The following ASCC3 variants were observed in gnomAD, a reference collection of about 807,000 sequenced individuals.
The protein encoded by ASCC3 is activating signal cointegrator 1 complex subunit 3.
A neutral mutation model predicts 256.3 loss-of-function variants in ASCC3; 158 were observed. That is an observed-to-expected ratio of 0.62 (90% confidence interval 0.54 to 0.70). The LOEUF is 0.70. ASCC3 is among the 30% of genes least tolerant of loss of function. ASCC3 has a pLI of 0.00. For missense variants in ASCC3, 2,259 were observed against 2,626.0 expected, an observed-to-expected ratio of 0.86 and a Z score of 3.05; for synonymous variants, 948 against 883.4, an observed-to-expected ratio of 1.07 and a Z score of -1.30.
chr6:100,628,041 T>C (rs747724289), intron 27 of ASCC3, 54 bp from the exon 28 acceptor site: 76 of 1,577,966 alleles, frequency 4.8e-5, no homozygotes, highest in African/African-American at 2.8e-4. Context: ...GTGTTGGTCA[T>C]TGCAGCAACC....
At chr6:100,648,096 G>A (rs1333356626) in intron 20 of ASCC3, among the ~76,000 whole-genome samples, 1 of 152,002 alleles carries the variant, frequency 6.6e-6, no homozygotes, top group Non-Finnish European at 1.5e-5. Flanking sequence ...ATTTGACCAA[G>A]GTCACACTGC....
At chr6:100,847,510 G>A (rs181786921) in intron 4 of ASCC3, among the ~76,000 whole-genome samples, 4 of 152,158 alleles carry the variant, frequency 2.6e-5, no homozygotes, top group Admixed American at 2.0e-4. Context: ...GAAAAATACA[G>A]CTAGTATTTT....
At chr6:100,541,754 A>G (rs905309283) in intron 36 of ASCC3, among the ~76,000 whole-genome samples, 1 of 152,252 alleles carries the variant, frequency 6.6e-6, no homozygotes, top group Non-Finnish European at 1.5e-5. Flanking sequence ...AAGAGGATCT[A>G]TAACAAGGAG....
chr6:100,516,152 C>T lies in ASCC3; in HGVS notation c.6075+28G>A, dbSNP rs1390748628. On this transcript the variant is annotated intron_variant, in intron 39 of 41. Transcript: ENST00000369162. ...GTACACCTTCTCAGAGTAGGGGAGC[C>T]TTCAAAACACTTAAGAGATGGTCTT... is the stretch of plus-strand genomic sequence containing the variant. 3 of 1,613,078 alleles carry T rather than the reference C, an allele frequency of 1.9e-6. No individual in the cohort carries two copies. The African/African-American group carries it at 4.0e-5, about 22-fold the overall frequency.
chr6:100,656,554 T>G (rs1775924345), intron 16 of ASCC3, among the ~76,000 whole-genome samples: 1 of 151,554 alleles, frequency 6.6e-6, no homozygotes, highest in Non-Finnish European at 1.5e-5. Flanking sequence ...AGATTGTATC[T>G]TGAAAGAAAA....
In ASCC3 at chr6:100,650,549, A is replaced by G. The variant is rs775432343; in HGVS notation, c.3241T>C (p.Tyr1081His). 3 of 1,612,500 alleles carry G rather than the reference A, an allele frequency of 1.9e-6. No individual in the cohort carries two copies. The highest frequency in any genetic ancestry group is 2.2e-5 in the South Asian group (2 of 91,060). Residue 1081 changes from tyrosine to histidine, a missense_variant, in exon 20 of 42, where the codon TAT becomes CAT. Physicochemically the swap from Tyr to His is moderately conservative, Grantham distance 83. Transcript: ENST00000369162. The part of the protein sequence containing the change: ...DSFSLISDSA[Y>H]VAQNAARIVR... ...AATAAGATACTTACCTGTGCAACATATGCAGAATCTGATATAAGGGAGAAA... is the reference window on the plus strand; with the variant it reads ...AATAAGATACTTACCTGTGCAACATGTGCAGAATCTGATATAAGGGAGAAA...
At chr6:100,876,029 A>C (rs1773987710) in intron 1 of ASCC3, among the ~76,000 whole-genome samples, 1 of 152,168 alleles carries the variant, frequency 6.6e-6, no homozygotes, top group Non-Finnish European at 1.5e-5. Flanking sequence ...GGGAGAGCAA[A>C]GAGAGAAGGA....
intron 34 of ASCC3, among the ~76,000 whole-genome samples, chr6:100,592,112 T>C (rs1772028186): frequency 6.7e-6 from 1 of 148,880 alleles, no homozygotes; most frequent in South Asian, 2.1e-4. Context: ...TCAGGGTAAA[T>C]ATATCTTAAA....
chr6:100,842,591 CT>C (rs550013480), intron 4 of ASCC3, among the ~76,000 whole-genome samples: 7 of 152,130 alleles, frequency 4.6e-5, no homozygotes, highest in East Asian at 1.9e-4. Context: ...ACTCTTCATA[CT>C]TTTTTTCTGA....
chr6:100,642,756 T>C lies in ASCC3; in HGVS notation c.3733-7A>G. On this transcript the variant is annotated splice_region_variant and splice_polypyrimidine_tract_variant and intron_variant, in intron 23 of 41. Transcript: ENST00000369162. ...GGGCTTCTTTACTAATGACCTAATA[T>C]GAAATACAGTCAAAAATAAATATGG... 1 of 1,607,260 alleles carries C rather than the reference T, an allele frequency of 6.2e-7. No homozygotes were observed. The highest frequency in any genetic ancestry group is 8.5e-7 in the Non-Finnish European group (1 of 1,173,922).
intron 13 of ASCC3, among the ~76,000 whole-genome samples, chr6:100,695,802 C>A (rs1778053612): frequency 1.3e-5 from 2 of 152,092 alleles, no homozygotes; most frequent in Non-Finnish European, 2.9e-5. Context: ...TTTTGGAGTA[C>A]CTCTCCTGTG....
intron 36 of ASCC3, among the ~76,000 whole-genome samples, chr6:100,542,367 C>A (rs1217038668): frequency 6.6e-6 from 1 of 152,144 alleles, no homozygotes; most frequent in Admixed American, 6.6e-5. Context: ...AGTGAAGCAA[C>A]ATGTTTAATT....
chr6:100,834,158 T>A (rs546180096), intron 4 of ASCC3, among the ~76,000 whole-genome samples: 2 of 152,168 alleles, frequency 1.3e-5, no homozygotes, highest in East Asian at 3.9e-4. Context: ...AAGGAGGGAA[T>A]CAGTGACTAA....
At chr6:100,772,735 T>G (rs906406720) in intron 8 of ASCC3, among the ~76,000 whole-genome samples, 3 of 152,172 alleles carry the variant, frequency 2.0e-5, no homozygotes, top group Admixed American at 6.5e-5. Context: ...ATACTGGGCT[T>G]ACAGTCAGAG....
At chr6:100,763,589 GAGGGCAA>G (rs1781510780) in intron 10 of ASCC3, among the ~76,000 whole-genome samples, 2 of 152,182 alleles carry the variant, frequency 1.3e-5, no homozygotes, top group Admixed American at 1.3e-4. Flanking sequence ...CCCTGAAGCA[GAGGGCAA>G]AGGGTAGACA....
chr6:100,646,823 T>C (rs1775406600), intron 21 of ASCC3, 54 bp from the exon 22 acceptor site: 12 of 1,546,620 alleles, frequency 7.8e-6, no homozygotes, highest in Admixed American at 1.7e-5. Context: ...AAAAGCAATA[T>C]AATCTGACTT....
chr6:100,859,003 T>C, intron 3 of ASCC3: 1 of 702,152 alleles, frequency 1.4e-6, no homozygotes, highest in South Asian at 1.5e-5. Context: ...CATCATAGCA[T>C]ATAGATTTCT....
chr6:100,867,633 A>G (rs1773540806), intron 2 of ASCC3, among the ~76,000 whole-genome samples: 1 of 152,212 alleles, frequency 6.6e-6, no homozygotes, highest in African/African-American at 2.4e-5. Context: ...ATTAAGTTAC[A>G]AACGTAACTG....
At chr6:100,793,223 G>T (rs938903155) in intron 8 of ASCC3, among the ~76,000 whole-genome samples, 5 of 152,000 alleles carry the variant, frequency 3.3e-5, no homozygotes, top group African/African-American at 1.2e-4. Flanking sequence ...ATAAAGAAGT[G>T]TGACTTTTAC....
Sources: gnomAD v4.1 joint callset for allele counts (sites outside exome capture counted in the v4.1 genomes callset) on GRCh38, gnomAD v4.1.1 for gene constraint, MANE v1.5 for transcripts, NCBI Gene and HGNC (gene_info 2026-07-23, HGNC 2026-07-21) for gene names.